Variants in STAG2 observed in about 807,000 individuals in gnomAD.
STAG2 encodes the protein cohesin subunit SA-2.
In STAG2, 14 loss-of-function variants were observed where a neutral mutation model predicts 108.1. The ratio of observed to expected loss-of-function variants is 0.13; its 90% CI spans 0.09 to 0.20. The LOEUF (loss-of-function observed/expected upper bound fraction) is 0.20. STAG2 is among the 10% of genes least tolerant of loss of function. The pLI is 1.00. For synonymous variants in STAG2, 307 were observed against 302.7 expected (o/e 1.01, Z -0.15); for missense variants, 440 against 940.9 (o/e 0.47, Z 6.96).
chrX:123,998,507 A>G (rs1007263053), intron 1 of STAG2, among the ~76,000 whole-genome samples: 1 of 104,568 alleles, frequency 9.6e-6, no homozygotes, highest in Non-Finnish European at 2.0e-5. Flanking sequence ...TTTAAGGAAC[A>G]GTTATATCGT....
At chrX:123,963,298 T>C (rs1293073520) in intron 1 of STAG2, 1 of 111,704 alleles carries the variant, frequency 9.0e-6, no homozygotes. Context: ...CTCCTAATTC[T>C]GTCTGTAGCC....
At chrX:124,020,481 GC>G (rs980167603) in intron 1 of STAG2, among the ~76,000 whole-genome samples, 5 of 111,458 alleles carry the variant, frequency 4.5e-5, no homozygotes, top group African/African-American at 1.6e-4. Context: ...AAATAAGTTA[GC>G]ATTTTAGGAG....
chrX:123,974,577 C>CTTTT (rs778065126), intron 1 of STAG2, among the ~76,000 whole-genome samples: 1 of 85,238 alleles, frequency 1.2e-5, no homozygotes, highest in Non-Finnish European at 2.3e-5. Flanking sequence ...TTGATACCTT[C>CTTTT]TTTTTTTTTT....
chrX:124,096,039 CCT>C (rs1187378733), intron 34 of STAG2, among the ~76,000 whole-genome samples: 1 of 110,176 alleles, frequency 9.1e-6, no homozygotes, highest in South Asian at 3.9e-4. Flanking sequence ...TTCGGGTCCT[CCT>C]CAGTTTTCAC....
At chrX:123,991,750 C>T (rs1173789045) in intron 1 of STAG2, among the ~76,000 whole-genome samples, 1 of 110,776 alleles carries the variant, frequency 9.0e-6, no homozygotes, top group East Asian at 2.8e-4. Flanking sequence ...CCGCAACCTC[C>T]GCCTCCCGGG....
chrX:124,061,768 T>TTA lies in STAG2; in HGVS notation c.1535-3_1535-2insTA, dbSNP rs1556534407. ...CTTTTTTTTTTTTTTTTTTTTTTTT[T>TTA]AGCACTAACAGATAGGCAAGAGAGT... On this transcript the variant is annotated splice_polypyrimidine_tract_variant and splice_region_variant and intron_variant, in intron 16 of 34. Transcript: ENST00000371145. The TTA allele has an allele frequency of 8.6e-5, 77 of 893,595 alleles. No homozygotes were observed. Among genetic ancestry groups the TTA allele is most frequent in the Non-Finnish European group, 8.5e-5 (56 of 659,850 alleles). 73.6% of individuals were successfully genotyped at this position (893,595 alleles called of 1,213,427 possible). A position where few individuals can be genotyped will look rare whatever the true frequency, so the allele number is the denominator to read the frequency against.
chrX:124,071,341 T>G lies in STAG2; in HGVS notation c.2533+18T>G. 3 of 1,125,530 alleles carry G rather than the reference T, an allele frequency of 2.7e-6. No individual in the cohort carries two copies. The highest frequency in any genetic ancestry group is 3.6e-6 in the Non-Finnish European group (3 of 842,547). The allele number at this position is 1,125,530 out of a possible 1,213,427, so 92.8% of individuals were successfully genotyped here. On this transcript the variant is annotated intron_variant, in intron 25 of 34. Coordinates refer to ENST00000371145, the MANE Select transcript of STAG2 (RefSeq NM_001042750.2). ...TAGTGCAGGTAATTTTATTGCCATC[T>G]TTTTATTAAATCTGTGTCCACCATA... is the stretch of plus-strand genomic sequence containing the variant.
chrX:123,972,800 C>T (rs2054419384), intron 1 of STAG2, among the ~76,000 whole-genome samples: 2 of 88,683 alleles, frequency 2.3e-5, no homozygotes, highest in Non-Finnish European at 4.3e-5. Flanking sequence ...TGGTGGATCA[C>T]TTGAGCTCAG....
At chrX:124,097,062 C>G (rs2148517914) in intron 34 of STAG2, among the ~76,000 whole-genome samples, 1 of 108,468 alleles carries the variant, frequency 9.2e-6, no homozygotes, top group East Asian at 2.9e-4. Flanking sequence ...ACCTGCGGTC[C>G]CAGCTACTCA....
chrX:124,095,512 T>G (rs1260773550), intron 34 of STAG2, 63 bp downstream of exon 34: 1 of 932,312 alleles, frequency 1.1e-6, no homozygotes, highest in Non-Finnish European at 1.5e-6. Context: ...TCTCTCAGTT[T>G]GAGGTTGAAG....
At chrX:124,009,783 G>C (rs1023912323) in intron 1 of STAG2, among the ~76,000 whole-genome samples, 1 of 111,705 alleles carries the variant, frequency 9.0e-6, no homozygotes, top group Non-Finnish European at 1.9e-5. Flanking sequence ...ATACTCTATG[G>C]TGAGCAACTT....
At chrX:123,979,883 T>A (rs2054792609) in intron 1 of STAG2, among the ~76,000 whole-genome samples, 1 of 111,768 alleles carries the variant, frequency 8.9e-6, no homozygotes, top group African/African-American at 3.3e-5. Context: ...CATTTATAAC[T>A]TAGTAGGAGA....
rs757917097 is a variant in STAG2 at position 124,078,104 on chromosome X, ATAGT to A, written c.2775+50_2775+53del. The A allele has an allele frequency of 5.0e-4, 460 of 926,188 alleles. 1 individual carries two copies. The South Asian group carries it at 5.8e-3, about 12-fold the overall frequency. The allele number at this position is 926,188 out of a possible 1,213,427, so 76.3% of individuals were successfully genotyped here. A position where few individuals can be genotyped will look rare whatever the true frequency, so the allele number is the denominator to read the frequency against. On this transcript the variant is annotated intron_variant, in intron 27 of 34. Coordinates refer to ENST00000371145, the MANE Select transcript of STAG2 (RefSeq NM_001042750.2). ...CTTTAGCTAACACAATTAACACCTA[ATAGT>A]TAGCAAAATAAGGTAGCAGTTGAAA...
At chrX:124,091,068 A>G in intron 32 of STAG2, 104 bp downstream of exon 32, 4 of 595,248 alleles carry the variant, frequency 6.7e-6, no homozygotes. Flanking sequence ...CTCTAGAGTA[A>G]CCTAAGCTGA....
intron 34 of STAG2, among the ~76,000 whole-genome samples, chrX:124,097,035 T>G (rs931542415): frequency 9.1e-6 from 1 of 109,778 alleles, no homozygotes; most frequent in Non-Finnish European, 1.9e-5. Flanking sequence ...AAAAATTAGC[T>G]GGGCATGAAG....
At chrX:124,012,896 T>C (rs1427740164) in intron 1 of STAG2, among the ~76,000 whole-genome samples, 1 of 111,832 alleles carries the variant, frequency 8.9e-6, no homozygotes, top group African/African-American at 3.2e-5. Context: ...TTTACTACCT[T>C]GAGTAAATAA....
intron 27 of STAG2, among the ~76,000 whole-genome samples, chrX:124,078,866 GGCTGAGGCACGAGAATT>G (rs1440135203): frequency 9.2e-6 from 1 of 108,809 alleles, no homozygotes; most frequent in African/African-American, 3.3e-5. Context: ...CCACTTGGGA[GGCTGAGGCACGAGAATT>G]GCTTGAACCT....
At chrX:124,089,233 A>G (rs1214511095) in intron 30 of STAG2, among the ~76,000 whole-genome samples, 14 of 111,959 alleles carry the variant, frequency 1.3e-4, no homozygotes, top group Admixed American at 9.5e-5. Context: ...TTCTAATGAA[A>G]TAGTTTTCTT....
At chrX:123,969,952 G>GTTTTTTT (rs749744551) in intron 1 of STAG2, among the ~76,000 whole-genome samples, 4 of 39,152 alleles carry the variant, frequency 1.0e-4, no homozygotes, top group African/African-American at 2.1e-4. Context: ...CGGTCTTCCT[G>GTTTTTTT]TTTTTTTTTT....
Sources: allele counts gnomAD v4.1 joint callset (sites outside exome capture counted in the v4.1 genomes callset), GRCh38; gene constraint gnomAD v4.1.1; transcripts MANE v1.5; gene names NCBI Gene and HGNC (gene_info 2026-07-23, HGNC 2026-07-21).